MALRD1: variants seen among roughly 807,000 people sequenced by gnomAD.
MALRD1 encodes MAM and LDL receptor class A domain containing 1.
In MALRD1, 247 loss-of-function variants were observed where a neutral mutation model predicts 242.1. That is an observed-to-expected ratio of 1.02 (90% CI 0.92 to 1.13). The LOEUF (loss-of-function observed/expected upper bound fraction) is 1.13, where lower values mean the gene tolerates loss of function less well. Ranked by LOEUF, MALRD1 falls within the 50% of genes most tolerant of loss-of-function variation. MALRD1 has a pLI of 0.00. For missense variants in MALRD1, 2,989 were observed against 2,533.1 expected, an observed-to-expected ratio of 1.18 and a Z score of -3.86; for synonymous variants, 995 against 866.6, an observed-to-expected ratio of 1.15 and a Z score of -2.60.
chr10:19,517,113 G>A (rs866132953), intron 31 of MALRD1, among the ~76,000 whole-genome samples: 4 of 152,162 alleles, frequency 2.6e-5, no homozygotes, highest in South Asian at 4.1e-4. Context: ...TCTAACAAAC[G>A]TTTTTCTGAA....
In MALRD1 at chr10:19,060,457, C is replaced by T. The variant is rs188458232; in HGVS notation, c.200-6262C>T. 2.7e-3 allele frequency among the ~76,000 whole-genome samples: 416 copies of T among 152,228 alleles called. 1 individual carries two copies. The highest frequency in any genetic ancestry group is 9.6e-3 in the African/African-American group (398 of 41,550). On this transcript the variant is annotated intron_variant, in intron 1 of 39. Coordinates refer to ENST00000454679, the MANE Select transcript of MALRD1 (RefSeq NM_001142308.3). ...TCCTTTTTTCTCTCTCTGGTCCCTT[C>T]CCCCAATCTACCTCCTGCAAAGTCA...
chr10:19,421,600 G>A (rs1157083796), intron 28 of MALRD1, among the ~76,000 whole-genome samples: 2 of 152,114 alleles, frequency 1.3e-5, no homozygotes, highest in African/African-American at 4.8e-5. Flanking sequence ...TTTCATTATT[G>A]CAAATTTTGC....
At chr10:19,165,204 GA>G (rs2131503155) in intron 12 of MALRD1, among the ~76,000 whole-genome samples, 1 of 135,550 alleles carries the variant, frequency 7.4e-6, no homozygotes, top group African/African-American at 2.9e-5. Flanking sequence ...GGAGAAAGGA[GA>G]ATTGAGAAGA....
At chr10:19,446,083 A>G (rs899001744) in intron 28 of MALRD1, among the ~76,000 whole-genome samples, 1 of 152,124 alleles carries the variant, frequency 6.6e-6, no homozygotes, top group African/African-American at 2.4e-5. Context: ...GGACCCTCCG[A>G]GCCAGGCGTG....
intron 28 of MALRD1, among the ~76,000 whole-genome samples, chr10:19,430,742 G>T (rs376132603): frequency 3.5e-4 from 53 of 152,234 alleles, no homozygotes; most frequent in Middle Eastern, 6.8e-3. Flanking sequence ...AATGTGGATT[G>T]TATCTGTGCA....
At chr10:19,147,394 A>G (rs990821050) in intron 11 of MALRD1, among the ~76,000 whole-genome samples, 3 of 152,160 alleles carry the variant, frequency 2.0e-5, no homozygotes, top group African/African-American at 4.8e-5. Flanking sequence ...AATCTAGTTA[A>G]TTGTTTAACA....
At chr10:19,679,196 G>T (rs1842263436) in intron 36 of MALRD1, among the ~76,000 whole-genome samples, 1 of 151,920 alleles carries the variant, frequency 6.6e-6, no homozygotes, top group Non-Finnish European at 1.5e-5. Flanking sequence ...GAGGAGTCCT[G>T]CCTTGTTAAT....
At chr10:19,477,258 T>A (rs1165412127) in intron 29 of MALRD1, among the ~76,000 whole-genome samples, 3 of 152,172 alleles carry the variant, frequency 2.0e-5, no homozygotes, top group Admixed American at 6.6e-5. Flanking sequence ...ATTTATATAT[T>A]TTAAAGGCAA....
At chr10:19,085,745 CTT>C (rs1270549842) in intron 2 of MALRD1, among the ~76,000 whole-genome samples, 5 of 151,756 alleles carry the variant, frequency 3.3e-5, no homozygotes, top group Admixed American at 6.6e-5. Context: ...TATTTAATAA[CTT>C]AATGTGTCAA....
intron 32 of MALRD1, among the ~76,000 whole-genome samples, chr10:19,538,981 A>G (rs867088769): frequency 1.3e-5 from 2 of 152,172 alleles, no homozygotes; most frequent in Admixed American, 6.5e-5. Context: ...GACATTTAGC[A>G]TGTATATGCT....
intron 18 of MALRD1, among the ~76,000 whole-genome samples, chr10:19,218,575 T>C (rs1837427428): frequency 6.6e-6 from 1 of 152,168 alleles, no homozygotes; most frequent in Non-Finnish European, 1.5e-5. Context: ...TAGACTGTTT[T>C]CCAGGTGTAA....
At chr10:19,246,390 A>ACC (rs767140057) in intron 18 of MALRD1, among the ~76,000 whole-genome samples, 8 of 152,138 alleles carry the variant, frequency 5.3e-5, no homozygotes, top group Non-Finnish European at 1.2e-4. Flanking sequence ...AGCTGAATAT[A>ACC]CCCAGAGGGG....
intron 13 of MALRD1, among the ~76,000 whole-genome samples, chr10:19,171,692 GTA>G (rs1834967971): frequency 1.8e-5 from 2 of 108,378 alleles, no homozygotes; most frequent in Admixed American, 9.1e-5. Context: ...ATATATGTGT[GTA>G]TGTGTGTGTA....
At chr10:19,498,462 C>T (rs1215721875) in intron 30 of MALRD1, 23 bp from the exon 31 acceptor site, 6 of 1,531,810 alleles carry the variant, frequency 3.9e-6, no homozygotes, top group Non-Finnish European at 5.3e-6. Flanking sequence ...CCAGAAATTC[C>T]ATTAATGTTT....
chr10:19,448,453 C>A (rs1444503138), intron 28 of MALRD1, among the ~76,000 whole-genome samples: 1 of 151,946 alleles, frequency 6.6e-6, no homozygotes, highest in African/African-American at 2.4e-5. Context: ...TTTTCTTTGC[C>A]AAATATCCAT....
chr10:19,053,798 TA>T (rs35045590), intron 1 of MALRD1, among the ~76,000 whole-genome samples: 103,332 of 151,328 alleles, frequency 0.68, 36,007 homozygotes, highest in African/African-American at 0.83. Flanking sequence ...TTCAATATAA[TA>T]AAAAAAAACC....
At position 19,282,013 on chromosome 10, in the gene MALRD1, C is replaced by G. The variant is rs58131283; in HGVS notation, c.3257-1006C>G. Among the ~76,000 whole-genome samples, 837 of 149,234 alleles carry G rather than the reference C, an allele frequency of 5.6e-3. 14 individuals carry two copies. Among genetic ancestry groups the G allele is most frequent in the African/African-American group, 0.02 (807 of 40,702 alleles). ...GAACACATAACATGAGATCTACCAT[C>G]TTAACAAAATGCTAAGGGTACAATA... On this transcript the variant is annotated intron_variant, in intron 20 of 39. Coordinates refer to ENST00000454679, the MANE Select transcript of MALRD1 (RefSeq NM_001142308.3).
Position 19,450,382 on chromosome 10 carries a change from C to CTGCT in MALRD1, c.4922_4925dup (p.Gly1643AlafsTer8). 1.3e-6 allele frequency: 2 copies of CTGCT among 1,550,126 alleles called. No individual in the cohort carries two copies. Among genetic ancestry groups the CTGCT allele is most frequent in the East Asian group, 4.9e-5 (2 of 40,902 alleles). On this transcript the variant is annotated frameshift_variant, in exon 29 of 40. Coordinates refer to ENST00000454679, the MANE Select transcript of MALRD1 (RefSeq NM_001142308.3). LOFTEE classifies it high-confidence loss of function. ...TAATCATTGGCAAAAGGCTGACATC[C>CTGCT]TGCTAGGAAAGTTAAGGAATTTTGA...
intron 33 of MALRD1, among the ~76,000 whole-genome samples, chr10:19,586,836 C>A (rs901014395): frequency 6.6e-6 from 1 of 152,232 alleles, no homozygotes. Context: ...TCGCTGCCGC[C>A]TTGCAGTTTG....
Sources: gnomAD v4.1 joint callset for allele counts (sites outside exome capture counted in the v4.1 genomes callset) on GRCh38, gnomAD v4.1.1 for gene constraint, MANE v1.5 for transcripts, NCBI Gene and HGNC (gene_info 2026-07-23, HGNC 2026-07-21) for gene names.